The following USH2A variants were observed in gnomAD, a reference collection of about 807,000 sequenced individuals.
USH2A encodes the protein Usher syndrome 2A (autosomal recessive, mild).
In USH2A, 443 loss-of-function variants were observed where a neutral mutation model predicts 538.9. The observed-to-expected ratio is 0.82, with a 90% CI of 0.76 to 0.89. The LOEUF (loss-of-function observed/expected upper bound fraction) is 0.89. Ranked by LOEUF, USH2A falls within the 40% of genes least tolerant of loss-of-function variation. USH2A has a pLI of 0.00. For synonymous variants in USH2A, 2,413 were observed against 2,273.5 expected, an observed-to-expected ratio of 1.06 and a Z score of -1.75; for missense variants, 6,633 against 6,324.8, an observed-to-expected ratio of 1.05 and a Z score of -1.65.
At chr1:216,221,870 G>T (rs1246482890) in intron 14 of USH2A, among the ~76,000 whole-genome samples, 1 of 152,188 alleles carries the variant, frequency 6.6e-6, no homozygotes, top group Admixed American at 6.5e-5. Context: ...GTCTCAGAAG[G>T]CATAAATAAG....
chr1:215,808,596 C>T (rs1662570051), intron 49 of USH2A, among the ~76,000 whole-genome samples: 2 of 152,100 alleles, frequency 1.3e-5, no homozygotes. Flanking sequence ...CCCTTCCCAT[C>T]CATTACCCTT....
At chr1:216,295,203 T>A (rs143416860) in intron 9 of USH2A, among the ~76,000 whole-genome samples, 74 of 151,906 alleles carry the variant, frequency 4.9e-4, no homozygotes, top group African/African-American at 1.7e-3. Context: ...ATATGGATTT[T>A]TGTAAAAAAA....
At chr1:216,368,042 C>T in intron 3 of USH2A, among the ~76,000 whole-genome samples, 1 of 152,216 alleles carries the variant, frequency 6.6e-6, no homozygotes, top group Middle Eastern at 3.4e-3. Context: ...GCCTTTAAAT[C>T]CCCTTCATAA....
chr1:216,079,858 T>G (rs2031878777), intron 26 of USH2A: 1 of 152,142 alleles, frequency 6.6e-6, no homozygotes, highest in Non-Finnish European at 1.5e-5. Context: ...GACTCAATCT[T>G]AGAAGTATTT....
At chr1:216,398,999 A>G (rs1197011216) in intron 3 of USH2A, among the ~76,000 whole-genome samples, 17 of 152,196 alleles carry the variant, frequency 1.1e-4, no homozygotes, top group Admixed American at 1.1e-3. Flanking sequence ...GGAGTCAGCC[A>G]TGCTCCAACT....
chr1:215,903,110 C>A (rs1665545899), intron 38 of USH2A, among the ~76,000 whole-genome samples: 1 of 151,964 alleles, frequency 6.6e-6, no homozygotes, highest in African/African-American at 2.4e-5. Context: ...TGAGAAGGTG[C>A]AGACTGGAAG....
chr1:215,629,778 T>TC (rs1438544758), intron 70 of USH2A, among the ~76,000 whole-genome samples: 61 of 145,434 alleles, frequency 4.2e-4, no homozygotes, highest in African/African-American at 1.5e-3. Context: ...CTTTTCTTTT[T>TC]TTTTTTTTTT....
intron 70 of USH2A, among the ~76,000 whole-genome samples, chr1:215,632,983 C>G (rs1656356824): frequency 6.6e-6 from 1 of 152,142 alleles, no homozygotes; most frequent in Non-Finnish European, 1.5e-5. Context: ...GCACATACAA[C>G]AGGAAGAGGC....
chr1:215,754,639 T>C (rs145385675), intron 58 of USH2A, among the ~76,000 whole-genome samples: 1 of 152,016 alleles, frequency 6.6e-6, no homozygotes, highest in Non-Finnish European at 1.5e-5. Context: ...GGGCCACATA[T>C]AAAACACACT....
In USH2A at chr1:215,674,202, C is replaced by T. The variant is rs730254; in HGVS notation, c.13709G>A (p.Arg4570His). 1.3e-3 allele frequency: 2,038 copies of T among 1,614,072 alleles called. 11 individuals carry two copies. In the Middle Eastern group the frequency reaches 0.017, roughly 13 times the overall value. ...GDIINYTLFI[R>H]ELFERETKII... is the part of the protein sequence containing the mutation. ...TTTAGTTTCTCTTTCAAATAGTTCA[C>T]GGATGAAGAGGGTATAATTGATGAT... Residue 4570 changes from arginine to histidine, a missense_variant, in exon 63 of 72, where the codon CGT (arginine) becomes CAT (histidine). Transcript: ENST00000307340.
chr1:215,929,208 C>T (rs776138664), intron 38 of USH2A, among the ~76,000 whole-genome samples: 2 of 151,722 alleles, frequency 1.3e-5, no homozygotes, highest in Middle Eastern at 3.2e-3. Flanking sequence ...TTTAAAAAGT[C>T]ATAATTATAT....
intron 66 of USH2A, 62 bp downstream of exon 66, chr1:215,648,466 T>G: frequency 3.9e-6 from 6 of 1,548,590 alleles, no homozygotes; most frequent in Non-Finnish European, 5.4e-6. Context: ...GGCTATACCA[T>G]GAGTTCATAT....
chr1:215,944,587 A>G (rs1422106816), intron 37 of USH2A, among the ~76,000 whole-genome samples: 1 of 152,196 alleles, frequency 6.6e-6, no homozygotes, highest in Non-Finnish European at 1.5e-5. Flanking sequence ...ATGAAGCTGG[A>G]CAAAAATAAG....
chr1:216,289,451 T>C (rs140221065), intron 10 of USH2A, 41 bp from the exon 11 acceptor site: 17 of 1,612,878 alleles, frequency 1.1e-5, no homozygotes, highest in Middle Eastern at 1.7e-4. Flanking sequence ...TTCTAATTCA[T>C]TAAAATCAGC....
chr1:216,002,010 T>C (rs968909019), intron 32 of USH2A, among the ~76,000 whole-genome samples: 2 of 152,174 alleles, frequency 1.3e-5, no homozygotes, highest in Non-Finnish European at 2.9e-5. Context: ...AGTCAGAATA[T>C]ATACTTCAAG....
intron 44 of USH2A, among the ~76,000 whole-genome samples, chr1:215,865,339 A>C (rs1211562576): frequency 1.3e-5 from 2 of 152,204 alleles, no homozygotes; most frequent in Non-Finnish European, 2.9e-5. Context: ...AGAGGTTCAG[A>C]TTACCAAGGT....
chr1:216,203,364 CTG>C (rs2035040848), intron 16 of USH2A, among the ~76,000 whole-genome samples: 1 of 151,820 alleles, frequency 6.6e-6, no homozygotes, highest in Admixed American at 6.6e-5. Context: ...ACAACAATAA[CTG>C]AAAATAAAAT....
chr1:215,836,477 T>TA (rs377717521), intron 47 of USH2A, among the ~76,000 whole-genome samples: 2,087 of 8,092 alleles, frequency 0.26, 296 homozygotes, highest in Non-Finnish European at 0.37. Context: ...TATATATATA[T>TA]ATAATATATA....
chr1:215,778,349 GC>G (rs1387965085), intron 55 of USH2A, among the ~76,000 whole-genome samples: 1 of 152,190 alleles, frequency 6.6e-6, no homozygotes, highest in Non-Finnish European at 1.5e-5. Context: ...ACCGCACCCA[GC>G]CTCAACACTA....
Sources: gnomAD v4.1 joint callset for allele counts (sites outside exome capture counted in the v4.1 genomes callset) on GRCh38, gnomAD v4.1.1 for gene constraint, MANE v1.5 for transcripts, NCBI Gene and HGNC (gene_info 2026-07-23, HGNC 2026-07-21) for gene names.